The following TAOK3 variants were observed in gnomAD, a reference collection of about 807,000 sequenced individuals.
The protein encoded by TAOK3 is serine/threonine-protein kinase TAO3.
Under a neutral mutation model 120.4 loss-of-function variants are expected in TAOK3, and 40 were observed. The ratio of observed to expected loss-of-function variants is 0.33; its 90% CI spans 0.26 to 0.43. The LOEUF (loss-of-function observed/expected upper bound fraction) is 0.43. Ranked by LOEUF, TAOK3 falls within the 20% of genes least tolerant of loss-of-function variation. The pLI is 1.00. For missense variants in TAOK3, 821 were observed against 1,112.1 expected (o/e 0.74, Z 3.72); for synonymous variants, 355 against 387.5 (o/e 0.92, Z 0.99).
At chr12:118,370,422 T>C (rs893279953) in intron 1 of TAOK3, among the ~76,000 whole-genome samples, 5 of 152,204 alleles carry the variant, frequency 3.3e-5, no homozygotes, top group Admixed American at 6.5e-5. Flanking sequence ...AAACTGCCTA[T>C]ATTGAACACT....
At chr12:118,293,535 C>T (rs1286509953) in intron 1 of TAOK3, among the ~76,000 whole-genome samples, 9 of 151,870 alleles carry the variant, frequency 5.9e-5, no homozygotes, top group Non-Finnish European at 8.8e-5. Flanking sequence ...ATTAGCTGGG[C>T]GTGGTGGCAC....
intron 13 of TAOK3, chr12:118,190,253 C>T (rs1027295308): frequency 5.5e-5 from 12 of 218,922 alleles, no homozygotes; most frequent in African/African-American, 2.3e-4. Context: ...CTCCTTAGAA[C>T]AGTTTGCTTA....
intron 11 of TAOK3, among the ~76,000 whole-genome samples, chr12:118,205,914 A>ATC (rs1169143748): frequency 7.2e-4 from 107 of 148,332 alleles, no homozygotes; most frequent in Admixed American, 1.4e-3. Context: ...TTCAGACCCA[A>ATC]TCTCTCTCTC....
intron 9 of TAOK3, among the ~76,000 whole-genome samples, chr12:118,225,958 G>A (rs2039482144): frequency 6.6e-6 from 1 of 152,184 alleles, no homozygotes; most frequent in African/African-American, 2.4e-5. Flanking sequence ...ATGTTAAAAT[G>A]GGCTGGCATG....
At chr12:118,349,021 A>G (rs2045013372) in intron 1 of TAOK3, among the ~76,000 whole-genome samples, 1 of 151,650 alleles carries the variant, frequency 6.6e-6, no homozygotes, top group African/African-American at 2.4e-5. Context: ...GCTCTTGAGT[A>G]GCTGGGATTA....
intron 3 of TAOK3, among the ~76,000 whole-genome samples, chr12:118,252,972 T>C (rs58884645): frequency 0.14 from 21,201 of 152,110 alleles, 1,502 homozygotes; most frequent in Admixed American, 0.16. Context: ...GTGATCCGCC[T>C]GCCTCAGCCT....
At chr12:118,250,750 T>A (rs1192801431) in intron 3 of TAOK3, among the ~76,000 whole-genome samples, 1 of 152,100 alleles carries the variant, frequency 6.6e-6, no homozygotes, top group South Asian at 2.1e-4. Flanking sequence ...AAACTGCAAT[T>A]CTGATATGTG....
Position 118,363,749 on chromosome 12 carries a change from TGTGTGTGA to T in TAOK3, c.-194+8891_-194+8898del, listed in dbSNP as rs768734225. Among the ~76,000 whole-genome samples the T allele has an allele frequency of 9.1e-3, 1,378 of 151,218 alleles. 5 individuals carry two copies. The highest frequency in any genetic ancestry group is 0.017 in the Middle Eastern group (5 of 292). On this transcript the variant is annotated intron_variant, in intron 1 of 20. Coordinates refer to ENST00000392533, the MANE Select transcript of TAOK3 (RefSeq NM_016281.4). ...GGCAGTGTGTGTGTGTGTGTGTGTG[TGTGTGTGA>T]GAGAGAGAGAGAGAGAGAGACAGAC...
rs530255888 is a variant in TAOK3, at chr12:118,273,372, C to G, written c.-193-6613G>C. ...AAAAAATTAGCCAGGTGTGGTGGTACACGCCTGTAGTTCCAGCTATTCGGG... is the reference window on the plus strand; with the variant it reads ...AAAAAATTAGCCAGGTGTGGTGGTAGACGCCTGTAGTTCCAGCTATTCGGG... On this transcript the variant is annotated intron_variant, in intron 1 of 20. Transcript: ENST00000392533. Among the ~76,000 whole-genome samples the G allele has an allele frequency of 2.0e-5, 3 of 152,218 alleles. No individual in the cohort carries two copies. The East Asian group carries it at 5.8e-4, about 29-fold the overall frequency.
chr12:118,150,876 G>C lies in TAOK3; in HGVS notation c.*121C>G. On this transcript the variant is annotated 3_prime_UTR_variant, in exon 21 of 21. Coordinates refer to ENST00000392533, the MANE Select transcript of TAOK3 (RefSeq NM_016281.4). ...CTAGTCCGACACGATGTCAGTAAGA[G>C]TAAGAGAGAGAGAGAGTGAGAGCAA... The C allele has an allele frequency of 9.5e-7, 1 of 1,055,398 alleles. No homozygotes were observed. The highest frequency in any genetic ancestry group is 1.7e-5 in the South Asian group (1 of 59,774). 65.4% of individuals were successfully genotyped at this position (1,055,398 alleles called of 1,614,324 possible). A position where few individuals can be genotyped will look rare whatever the true frequency, so the allele number is the denominator to read the frequency against.
At chr12:118,361,036 A>G (rs2045581051) in intron 1 of TAOK3, among the ~76,000 whole-genome samples, 1 of 152,254 alleles carries the variant, frequency 6.6e-6, no homozygotes, top group African/African-American at 2.4e-5. Flanking sequence ...AAACCCAATT[A>G]CTTGTATATG....
chr12:118,150,369 C>T lies in TAOK3; in HGVS notation c.*628G>A, dbSNP rs1000180028. On this transcript the variant is annotated 3_prime_UTR_variant, in exon 21 of 21. Transcript: ENST00000392533. Reference sequence around the variant, plus strand: ...GTTCTTAAAAATCACAAGATCTCTTCACCCCACCCACCCCCCGTCCCCAAA... The same window carrying T: ...GTTCTTAAAAATCACAAGATCTCTTTACCCCACCCACCCCCCGTCCCCAAA... 2.6e-5 allele frequency: 4 copies of T among 152,436 alleles called. No individual in the cohort carries two copies. The highest frequency in any genetic ancestry group is 5.9e-5 in the Non-Finnish European group (4 of 68,006). 9.4% of individuals were successfully genotyped at this position (152,436 alleles called of 1,614,324 possible). A position where few individuals can be genotyped will look rare whatever the true frequency, so the allele number is the denominator to read the frequency against.
chr12:118,324,160 T>G (rs898772554), intron 1 of TAOK3, among the ~76,000 whole-genome samples: 1 of 152,138 alleles, frequency 6.6e-6, no homozygotes, highest in African/African-American at 2.4e-5. Flanking sequence ...AATATTCAGA[T>G]AGCAGTATAA....
At chr12:118,212,177 T>C (rs2038666167) in intron 11 of TAOK3, among the ~76,000 whole-genome samples, 1 of 152,194 alleles carries the variant, frequency 6.6e-6, no homozygotes, top group Non-Finnish European at 1.5e-5. Context: ...ACAGAACTGC[T>C]ATACAATAAA....
intron 8 of TAOK3, 81 bp downstream of exon 8, chr12:118,235,477 A>C (rs2039982232): frequency 8.6e-7 from 1 of 1,166,822 alleles, no homozygotes; most frequent in Admixed American, 1.9e-5. Context: ...ACACTGTCAC[A>C]AAACCAAGCC....
intron 20 of TAOK3, 124 bp from the exon 21 acceptor site, chr12:118,151,282 C>CGCGT (rs1260295378): frequency 3.7e-6 from 2 of 537,226 alleles, no homozygotes; most frequent in African/African-American, 8.1e-5. Flanking sequence ...ATGAAGTGCG[C>CGCGT]GCGCGCGCAC....
chr12:118,225,246 C>CAAAAA (rs34923071), intron 9 of TAOK3, among the ~76,000 whole-genome samples: 1 of 75,848 alleles, frequency 1.3e-5, no homozygotes, highest in African/African-American at 5.1e-5. Flanking sequence ...GAGACTGTCT[C>CAAAAA]AAAAAAAAAA....
At chr12:118,224,555 A>C (rs1188852247) in intron 9 of TAOK3, among the ~76,000 whole-genome samples, 1 of 152,214 alleles carries the variant, frequency 6.6e-6, no homozygotes, top group Non-Finnish European at 1.5e-5. Context: ...TGTAGTTTAA[A>C]CAGAAGAGAA....
intron 1 of TAOK3, among the ~76,000 whole-genome samples, chr12:118,292,236 T>C (rs2042512196): frequency 6.6e-6 from 1 of 152,226 alleles, no homozygotes; most frequent in East Asian, 1.9e-4. Context: ...AAGTCTAAAA[T>C]ATCACTTACA....
Sources: gnomAD v4.1 joint callset for allele counts (sites outside exome capture counted in the v4.1 genomes callset) on GRCh38, gnomAD v4.1.1 for gene constraint, MANE v1.5 for transcripts, NCBI Gene and HGNC (gene_info 2026-07-23, HGNC 2026-07-21) for gene names.